Variants in MYOM2 observed in about 807,000 individuals in gnomAD.
The protein encoded by MYOM2 is myomesin-2.
Under a neutral mutation model 187.6 loss-of-function variants are expected in MYOM2, and 254 were observed. The ratio of observed to expected loss-of-function variants is 1.35; its 90% CI spans 1.22 to 1.50. The LOEUF (loss-of-function observed/expected upper bound fraction) is 1.50, where lower values mean the gene tolerates loss of function less well. MYOM2 is among the 40% of genes most tolerant of loss of function. The pLI is 0.00. For synonymous variants in MYOM2, 981 were observed against 753.8 expected (o/e 1.30, Z -4.94); for missense variants, 2,796 against 1,924.0 (o/e 1.45, Z -8.48).
chr8:2,064,332 A>T (rs924591276), intron 6 of MYOM2, among the ~76,000 whole-genome samples: 3 of 152,190 alleles, frequency 2.0e-5, no homozygotes, highest in African/African-American at 4.8e-5. Flanking sequence ...AGGTCGAAAG[A>T]GAAAAGGTGA....
In MYOM2 at chr8:2,123,293, GGAT is replaced by G; in HGVS notation, c.3500_3502del (p.Asp1167del). On this transcript the variant is annotated inframe_deletion, in exon 29 of 37. Coordinates refer to ENST00000262113, the MANE Select transcript of MYOM2 (RefSeq NM_003970.4). Reference sequence around the variant, plus strand: ...AAGAAACCGTTTTCAAATGGCTCAAGGATGATGTTCTGTATGAAACGGAGACAC... The same window carrying G: ...AAGAAACCGTTTTCAAATGGCTCAAGGATGTTCTGTATGAAACGGAGACAC... 1 of 1,613,778 alleles carries G rather than the reference GGAT, an allele frequency of 6.2e-7. No individual in the cohort carries two copies. The highest frequency in any genetic ancestry group is 8.5e-7 in the Non-Finnish European group (1 of 1,179,940).
intron 32 of MYOM2, among the ~76,000 whole-genome samples, chr8:2,130,295 AC>A (rs1387080979): frequency 7.0e-6 from 1 of 142,442 alleles, no homozygotes; most frequent in Non-Finnish European, 1.5e-5. Context: ...GGGCGCCCAC[AC>A]CCCGCCTTTA....
chr8:2,093,612 C>T (rs1796381385), intron 16 of MYOM2, among the ~76,000 whole-genome samples: 1 of 152,188 alleles, frequency 6.6e-6, no homozygotes, highest in African/African-American at 2.4e-5. Context: ...GGCCTGTAAC[C>T]ACTGCAGTGT....
At chr8:2,055,258 T>C (rs923226585) in intron 3 of MYOM2, among the ~76,000 whole-genome samples, 8 of 152,186 alleles carry the variant, frequency 5.3e-5, no homozygotes, top group Admixed American at 4.6e-4. Flanking sequence ...TGCACATGCA[T>C]GTGCTTATAG....
At chr8:2,067,114 C>G (rs566271517) in intron 6 of MYOM2, among the ~76,000 whole-genome samples, 1 of 152,140 alleles carries the variant, frequency 6.6e-6, no homozygotes, top group Admixed American at 6.5e-5. Flanking sequence ...GTAGATAGCA[C>G]AGTTCTCGGA....
intron 34 of MYOM2, among the ~76,000 whole-genome samples, chr8:2,142,133 G>T (rs944456245): frequency 7.2e-5 from 11 of 152,144 alleles, no homozygotes; most frequent in African/African-American, 2.7e-4. Context: ...TTTTCTGTGG[G>T]TTTTAGCATC....
At chr8:2,143,222 C>T in intron 35 of MYOM2, 179 bp from the exon 36 acceptor site, 1 of 701,596 alleles carries the variant, frequency 1.4e-6, no homozygotes, top group Middle Eastern at 2.4e-4. Flanking sequence ...TCTACCTTCC[C>T]TTGGCTTTGG....
Position 2,131,640 on chromosome 8 carries a change from TTTC to T in MYOM2, c.3800+2411_3800+2413del, listed in dbSNP as rs1554435310. 1.3e-3 allele frequency among the ~76,000 whole-genome samples: 121 copies of T among 94,068 alleles called. 1 individual carries two copies. The highest frequency in any genetic ancestry group is 6.5e-3 in the African/African-American group (98 of 15,122). 61.7% of individuals were successfully genotyped at this position (94,068 alleles called of 152,430 possible). ...CATTATACAACAAAACAGGCATTTC[TTTC>T]TTTTTTTTTTTTTTTTTTGAGACAG... is the stretch of plus-strand genomic sequence containing the variant. On this transcript the variant is annotated intron_variant, in intron 32 of 36. Coordinates refer to ENST00000262113, the MANE Select transcript of MYOM2 (RefSeq NM_003970.4).
chr8:2,126,372 TCA>T (rs5888889), intron 31 of MYOM2, among the ~76,000 whole-genome samples: 57,244 of 151,654 alleles, frequency 0.38, 11,189 homozygotes, highest in Non-Finnish European at 0.44. Context: ...ACCCACACAC[TCA>T]CATCCCCACA....
chr8:2,052,581 G>A (rs955085154), intron 3 of MYOM2, among the ~76,000 whole-genome samples: 1 of 152,198 alleles, frequency 6.6e-6, no homozygotes, highest in Admixed American at 6.5e-5. Flanking sequence ...GAGCGCTCAC[G>A]CCACTGCCCA....
intron 14 of MYOM2, among the ~76,000 whole-genome samples, chr8:2,087,239 T>C (rs1449418083): frequency 6.6e-6 from 1 of 152,204 alleles, no homozygotes; most frequent in Non-Finnish European, 1.5e-5. Context: ...CAATATGTAG[T>C]ATGCAAGTAA....
At chr8:2,093,852 A>T in intron 16 of MYOM2, 118 bp from the exon 17 acceptor site, 1 of 1,177,344 alleles carries the variant, frequency 8.5e-7, no homozygotes, top group Non-Finnish European at 1.2e-6. Flanking sequence ...ATTGAAAATG[A>T]AGGATGTATG....
intron 1 of MYOM2, among the ~76,000 whole-genome samples, chr8:2,047,396 G>A (rs1268241314): frequency 6.6e-6 from 1 of 151,852 alleles, no homozygotes; most frequent in East Asian, 1.9e-4. Flanking sequence ...GAGGCTGGAC[G>A]TGCAGTCCTG....
chr8:2,135,653 C>G (rs1439183386), intron 32 of MYOM2, among the ~76,000 whole-genome samples: 1 of 152,108 alleles, frequency 6.6e-6, no homozygotes, highest in Non-Finnish European at 1.5e-5. Context: ...ACCATTTTAA[C>G]TTTAGTTTGG....
Position 2,102,733 on chromosome 8 carries a change from G to A in MYOM2, c.2686G>A (p.Gly896Arg). ...RVRAVNANGV[G>R]KPSDTSEPVL... is the part of the protein sequence containing the mutation. ...CCGGGCAGTCAATGCAAATGGCGTG[G>A]GGAAGCCCTCAGACACGTCGGAGCC... The change falls in exon 21 of 37, where the codon GGG becomes AGG. Residue 896 changes from glycine (G) to arginine (R), a missense_variant. By Grantham distance (125) the Gly-to-Arg change is moderately radical. Coordinates refer to ENST00000262113, the MANE Select transcript of MYOM2 (RefSeq NM_003970.4). 2 of 1,614,114 alleles carry A rather than the reference G, an allele frequency of 1.2e-6. No homozygotes were observed. Among genetic ancestry groups the A allele is most frequent in the Admixed American group, 1.7e-5 (1 of 60,028 alleles).
chr8:2,117,811 A>G (rs1300383559), intron 27 of MYOM2, 74 bp from the exon 28 acceptor site: 20 of 950,322 alleles, frequency 2.1e-5, no homozygotes, highest in Non-Finnish European at 2.9e-5. Flanking sequence ...GTGGGTATAT[A>G]TATATAATAG....
At position 2,098,889 on chromosome 8, in the gene MYOM2, G is replaced by C. The variant is rs754682133; in HGVS notation, c.2346G>C (p.Glu782Asp). The C allele has an allele frequency of 1.2e-6, 2 of 1,613,312 alleles. No homozygotes were observed. Among genetic ancestry groups the C allele is most frequent in the Admixed American group, 1.7e-5 (1 of 59,942 alleles). Residue 782 changes from glutamate to aspartate, a missense_variant, in exon 19 of 37, where the codon GAG becomes GAC. By Grantham distance (45) the Glu-to-Asp change is conservative. Transcript: ENST00000262113. The stretch of plus-strand genomic sequence containing the variant: ...GCTTGACGGAAGGCTCACTCTACGA[G>C]TTCAAAATCGCCGCCGTCAACCTGG... ...VDGLTEGSLY[E>D]FKIAAVNLAG...
intron 9 of MYOM2, 145 bp downstream of exon 9, chr8:2,072,654 C>G: frequency 9.5e-7 from 1 of 1,057,114 alleles, no homozygotes; most frequent in South Asian, 1.7e-5. Context: ...CTGTAGAGGA[C>G]TTGGTGGCCC....
intron 6 of MYOM2, among the ~76,000 whole-genome samples, chr8:2,064,498 G>A (rs912156493): frequency 1.2e-4 from 19 of 152,102 alleles, no homozygotes; most frequent in Admixed American, 1.2e-3. Context: ...CTTTACAGAA[G>A]GAAGGAGAGC....
Sources: allele counts gnomAD v4.1 joint callset (sites outside exome capture counted in the v4.1 genomes callset), GRCh38; gene constraint gnomAD v4.1.1; transcripts MANE v1.5; gene names NCBI Gene and HGNC (gene_info 2026-07-23, HGNC 2026-07-21).